DPP9: variants seen among roughly 807,000 people sequenced by gnomAD.
DPP9 encodes dipeptidyl peptidase 9.
A neutral mutation model predicts 110.7 loss-of-function variants in DPP9; 50 were observed. The observed-to-expected ratio is 0.45, with a 90% confidence interval of 0.36 to 0.57. The LOEUF (loss-of-function observed/expected upper bound fraction) is 0.57. DPP9 is among the 20% of genes least tolerant of loss of function. The pLI, the probability that DPP9 is intolerant of heterozygous loss-of-function variation, is 0.00. For missense variants in DPP9, 1,022 were observed against 1,217.9 expected, an observed-to-expected ratio of 0.84 and a Z score of 2.39; for synonymous variants, 561 against 514.4, an observed-to-expected ratio of 1.09 and a Z score of -1.23.
chr19:4,688,732 G>A (rs553948655), intron 16 of DPP9, 25 bp downstream of exon 16: 15 of 1,411,098 alleles, frequency 1.1e-5, no homozygotes, highest in South Asian at 6.8e-5. Flanking sequence ...GGAGGCCTCC[G>A]TGGGGCGGGG....
intron 21 of DPP9, among the ~76,000 whole-genome samples, chr19:4,677,471 C>A (rs866596533): frequency 2.0e-5 from 3 of 152,198 alleles, no homozygotes; most frequent in Non-Finnish European, 4.4e-5. Context: ...CCTCTCCAGG[C>A]TCCTGGTCCC....
Position 4,693,815 on chromosome 19 carries a change from C to G in DPP9, c.1516+846G>C, listed in dbSNP as rs2091540849. On this transcript the variant is annotated intron_variant, in intron 13 of 21. Coordinates refer to ENST00000262960, the MANE Select transcript of DPP9 (RefSeq NM_139159.5). This position sits in a 1 kb window ranked among gnomAD's most constrained non-coding sequence, Gnocchi z 5.0. ...CTGCACCATCTGCTTTTTCTCTCCC[C>G]ACCCTCTCCTCCCTCTCTCCCCCTC... 6.6e-6 allele frequency among the ~76,000 whole-genome samples: 1 copy of G among 151,998 alleles called. No homozygotes were observed. The highest frequency in any genetic ancestry group is 1.5e-5 in the Non-Finnish European group (1 of 67,940).
Position 4,702,703 on chromosome 19 carries a change from G to A in DPP9, c.783C>T (p.Val261=), listed in dbSNP as rs2092337281. 6.3e-7 allele frequency: 1 copy of A among 1,593,296 alleles called. No homozygotes were observed. The highest frequency in any genetic ancestry group is 8.5e-7 in the Non-Finnish European group (1 of 1,170,372). ...LTFCHQGLSN[V]LDDPKSAGVA... ...CACCCGCAGACTTGGGGTCATCCAG[G>A]ACATTGGATAAACCTAGGGGGAGGG... Residue 261 remains valine, a synonymous_variant, in exon 8 of 22, where the codon GTC becomes GTT. Transcript: ENST00000262960.
At chr19:4,702,573 G>GAA in intron 8 of DPP9, 30 bp downstream of exon 8, 1 of 1,528,362 alleles carries the variant, frequency 6.5e-7, no homozygotes, top group Non-Finnish European at 8.9e-7. Flanking sequence ...AGCACGCCCG[G>GAA]GAGCATGTTG....
intron 10 of DPP9, among the ~76,000 whole-genome samples, chr19:4,699,265 C>G (rs908695571): frequency 6.6e-6 from 1 of 151,896 alleles, no homozygotes; most frequent in Admixed American, 6.6e-5. Flanking sequence ...TGGTTTGTCC[C>G]AGCCCTTCCA....
chr19:4,683,687 C>T (rs748365915), intron 18 of DPP9, 58 bp from the exon 19 acceptor site: 4 of 1,612,778 alleles, frequency 2.5e-6, no homozygotes, highest in Middle Eastern at 1.7e-4. Context: ...CCCTCCCCTG[C>T]AGTGACACCT....
Position 4,683,064 on chromosome 19 carries a change from C to T in DPP9, c.2332-226G>A, listed in dbSNP as rs1421257905. ...CAGGCGGGCAGGTGCGGCCCCTCCC[C>T]GCCGCCGCAGAGGGCCGGGTCCCAC... On this transcript the variant is annotated intron_variant, in intron 19 of 21. Transcript: ENST00000262960. The T allele has an allele frequency of 1.6e-5, 24 of 1,495,108 alleles. No individual in the cohort carries two copies. In the Middle Eastern group the frequency reaches 7.0e-4, roughly 43 times the overall value. The allele number at this position is 1,495,108 out of a possible 1,614,324, so 92.6% of individuals were successfully genotyped here.
At position 4,675,797 on chromosome 19, in the gene DPP9, G is replaced by A. The variant is rs2088777163; in HGVS notation, c.*767C>T. The A allele has an allele frequency of 6.6e-6, 1 of 152,480 alleles. No homozygotes were observed. Among genetic ancestry groups the A allele is most frequent in the South Asian group, 2.1e-4 (1 of 4,834 alleles). The allele number at this position is 152,480 out of a possible 1,614,324, so 9.4% of individuals were successfully genotyped here. On this transcript the variant is annotated 3_prime_UTR_variant, in exon 22 of 22. Coordinates refer to ENST00000262960, the MANE Select transcript of DPP9 (RefSeq NM_139159.5). ...TATTTTTTATTTATTTTGAGACAGA[G>A]TTTCGCTCTTGTTGCCCAGGCTGGA...
chr19:4,716,615 C>G (rs189872395), intron 3 of DPP9, among the ~76,000 whole-genome samples: 1 of 149,860 alleles, frequency 6.7e-6, no homozygotes, highest in Non-Finnish European at 1.5e-5. Context: ...CCAGCCTGGG[C>G]GACAGAGTGA....
rs1466405386 is a variant in DPP9, at chr19:4,705,840, C to T, written c.426+18G>A. ...CTCCTCGCCCACGGTAGGGCCCACG[C>T]CTAATAGCACAGCTTACCTGGAAAT... On this transcript the variant is annotated intron_variant, in intron 5 of 21. Coordinates refer to ENST00000262960, the MANE Select transcript of DPP9 (RefSeq NM_139159.5). The T allele has an allele frequency of 1.2e-6, 2 of 1,612,960 alleles. No homozygotes were observed. Among genetic ancestry groups the T allele is most frequent in the East Asian group, 2.2e-5 (1 of 44,854 alleles).
intron 4 of DPP9, among the ~76,000 whole-genome samples, chr19:4,707,657 G>A (rs957146205): frequency 3.4e-5 from 4 of 119,148 alleles, no homozygotes; most frequent in Non-Finnish European, 6.4e-5. Flanking sequence ...ACACAGTCTC[G>A]CTCTGTCGCC....
intron 9 of DPP9, among the ~76,000 whole-genome samples, chr19:4,701,407 G>A (rs767333089): frequency 9.9e-5 from 15 of 152,160 alleles, no homozygotes; most frequent in Non-Finnish European, 2.2e-4. Flanking sequence ...GTTGGAGGCT[G>A]CAGTGAGCTG....
At chr19:4,703,744 A>G (rs2092433702) in intron 7 of DPP9, 142 bp downstream of exon 7, 6 of 806,364 alleles carry the variant, frequency 7.4e-6, no homozygotes, top group African/African-American at 1.7e-5. Flanking sequence ...CCCGGGAGAC[A>G]TGGTAGGCTA....
At chr19:4,720,871 C>T (rs2093289656) in intron 2 of DPP9, among the ~76,000 whole-genome samples, 1 of 152,230 alleles carries the variant, frequency 6.6e-6, no homozygotes, top group Admixed American at 6.5e-5. Context: ...ATAAACTTCC[C>T]ATGGAACAAG....
In DPP9 at chr19:4,695,227, G is replaced by A; in HGVS notation, c.1353+151C>T. ...CCAACCCCCCTAGACCCTCTTCCCT[G>A]CCAGCCAGGGATGGCCAAGGCCTGA... On this transcript the variant is annotated intron_variant, in intron 12 of 21. Coordinates refer to ENST00000262960, the MANE Select transcript of DPP9 (RefSeq NM_139159.5). The surrounding 1 kb of genome is among the most constrained non-coding windows in gnomAD (Gnocchi z 4.7). The A allele has an allele frequency of 2.4e-6, 2 of 819,186 alleles. No homozygotes were observed. The highest frequency in any genetic ancestry group is 3.7e-6 in the Non-Finnish European group (2 of 541,878). 50.7% of individuals were successfully genotyped at this position (819,186 alleles called of 1,614,324 possible). A position where few individuals can be genotyped will look rare whatever the true frequency, so the allele number is the denominator to read the frequency against.
chr19:4,714,007 G>A, intron 4 of DPP9, 74 bp downstream of exon 4: 1 of 1,499,914 alleles, frequency 6.7e-7, no homozygotes, highest in East Asian at 2.4e-5. Context: ...GTGGACCTCT[G>A]GGAACAGAGA....
chr19:4,722,259 C>A (rs2093355237), intron 2 of DPP9: 5 of 524,638 alleles, frequency 9.5e-6, no homozygotes, highest in Middle Eastern at 1.0e-3. Context: ...TCAGCACTCT[C>A]CCCTTCCTCT....
rs930016976 is a variant in DPP9 at position 4,698,094 on chromosome 19, C to T, written c.1075-443G>A. ...ACTACACCCAACAGGGGCAGGTGGG[C>T]TGGGCAAGCCAACGGCGGCACCCCA... On this transcript the variant is annotated intron_variant, in intron 10 of 21. Coordinates refer to ENST00000262960, the MANE Select transcript of DPP9 (RefSeq NM_139159.5). This position sits in a 1 kb window ranked among gnomAD's most constrained non-coding sequence, Gnocchi z 4.2. Among the ~76,000 whole-genome samples the T allele has an allele frequency of 1.4e-5, 2 of 147,368 alleles. No homozygotes were observed. The highest frequency in any genetic ancestry group is 4.9e-5 in the African/African-American group (2 of 41,126).
chr19:4,713,427 A>G (rs1298340615), intron 4 of DPP9, among the ~76,000 whole-genome samples: 1 of 152,230 alleles, frequency 6.6e-6, no homozygotes, highest in East Asian at 1.9e-4. Context: ...CGTGGTGCAG[A>G]GGAGCCCAGT....
Sources: allele counts gnomAD v4.1 joint callset (sites outside exome capture counted in the v4.1 genomes callset), GRCh38; gene constraint gnomAD v4.1.1; non-coding constraint Gnocchi (gnomAD v3.1); transcripts MANE v1.5; gene names NCBI Gene and HGNC (gene_info 2026-07-23, HGNC 2026-07-21).